Variants in POU3F3 observed in about 807,000 individuals in gnomAD.
The protein encoded by POU3F3 is POU class 3 homeobox 3, also known as POU domain, class 3, transcription factor 3.
A neutral mutation model predicts 8.6 loss-of-function variants in POU3F3; 1 was observed. That is an observed-to-expected ratio of 0.12 (90% CI 0.04 to 0.55). The LOEUF (loss-of-function observed/expected upper bound fraction) is 0.55. POU3F3 is among the 20% of genes least tolerant of loss of function. POU3F3 has a pLI of 0.91. For missense variants in POU3F3, 577 were observed against 690.7 expected, an observed-to-expected ratio of 0.84 and a Z score of 1.84; for synonymous variants, 418 against 327.4, an observed-to-expected ratio of 1.28 and a Z score of -2.99.
chr2:104,918,640 C>G, the POU3F3 span, among the ~76,000 whole-genome samples: 1 of 152,112 alleles, frequency 6.6e-6, no homozygotes, highest in Non-Finnish European at 1.5e-5. Flanking sequence ...CCACCAGAAG[C>G]CAGGAGAGAG....
the POU3F3 span, among the ~76,000 whole-genome samples, chr2:104,886,150 C>T: frequency 1.3e-5 from 2 of 152,130 alleles, no homozygotes; most frequent in East Asian, 1.9e-4. Flanking sequence ...AGGACTCACC[C>T]TGAATTCTTT....
chr2:104,927,443 T>C, the POU3F3 span, among the ~76,000 whole-genome samples: 3 of 152,022 alleles, frequency 2.0e-5, no homozygotes, highest in Non-Finnish European at 4.4e-5. Context: ...CTCTGATAAA[T>C]ACTAACATGT....
chr2:104,915,836 A>G, the POU3F3 span, among the ~76,000 whole-genome samples: 1 of 151,642 alleles, frequency 6.6e-6, no homozygotes, highest in Admixed American at 6.6e-5. Flanking sequence ...AAAATCTTTC[A>G]CCTTATAACT....
the POU3F3 span, among the ~76,000 whole-genome samples, chr2:104,916,750 GATCTGGGGCC>G: frequency 6.6e-6 from 1 of 152,168 alleles, no homozygotes; most frequent in Non-Finnish European, 1.5e-5. Context: ...TAGCAAGGAT[GATCTGGGGCC>G]ATCTTAGAGG....
chr2:104,913,362 C>T, the POU3F3 span, among the ~76,000 whole-genome samples: 1 of 152,060 alleles, frequency 6.6e-6, no homozygotes, highest in Non-Finnish European at 1.5e-5. Context: ...CTCTGGACCC[C>T]GTTGGGACCA....
chr2:104,922,066 G>A, the POU3F3 span, among the ~76,000 whole-genome samples: 1 of 152,142 alleles, frequency 6.6e-6, no homozygotes, highest in Non-Finnish European at 1.5e-5. Context: ...ATAGATGCAG[G>A]CCTTTAAAAA....
At chr2:104,878,057 C>T in the POU3F3 span, among the ~76,000 whole-genome samples, 7 of 152,178 alleles carry the variant, frequency 4.6e-5, no homozygotes, top group African/African-American at 1.4e-4. Flanking sequence ...CTCCTGGATG[C>T]TGGCAGTTAA....
the POU3F3 span, among the ~76,000 whole-genome samples, chr2:104,889,816 TAA>T: frequency 7.2e-5 from 11 of 152,344 alleles, no homozygotes; most frequent in Admixed American, 2.6e-4. Context: ...ATAAACATTA[TAA>T]AGTCTGGCAT....
At position 104,855,929 on chromosome 2, in the gene POU3F3, C is replaced by G. The variant is rs1355825459; in HGVS notation, c.419C>G (p.Pro140Arg). 2 of 1,060,256 alleles carry G rather than the reference C, an allele frequency of 1.9e-6. No individual in the cohort carries two copies. The highest frequency in any genetic ancestry group is 2.8e-5 in the South Asian group (1 of 35,692). 65.7% of individuals were successfully genotyped at this position (1,060,256 alleles called of 1,614,324 possible). A position where few individuals can be genotyped will look rare whatever the true frequency, so the allele number is the denominator to read the frequency against. Residue 140 changes from proline (P) to arginine (R), a missense_variant, in exon 1 of 1, where the codon CCG becomes CGG. Physicochemically the swap from Pro to Arg is moderately radical, Grantham distance 103 (BLOSUM62 -2). This residue lies in a region of POU3F3 where 484 missense variants were observed against 422.6 expected (regional missense o/e 1.15). Transcript: ENST00000361360. ...AGCCCCCAGCAGCCACCGCAGCCGCCGCCGCCACCGCCGCAGGGCCCCGAC... is the reference window on the plus strand; with the variant it reads ...AGCCCCCAGCAGCCACCGCAGCCGCGGCCGCCACCGCCGCAGGGCCCCGAC... ...AGSPQQPPQPPPPPPQGPDVK... is the reference protein window; with the variant it reads ...AGSPQQPPQPRPPPPQGPDVK...
chr2:104,920,053 T>C, the POU3F3 span, among the ~76,000 whole-genome samples: 6 of 152,226 alleles, frequency 3.9e-5, no homozygotes, highest in African/African-American at 1.4e-4. Context: ...CTTGCTCTGT[T>C]GCTCAGGCTG....
chr2:104,891,382 A>T, the POU3F3 span, among the ~76,000 whole-genome samples: 7 of 152,068 alleles, frequency 4.6e-5, no homozygotes, highest in African/African-American at 1.7e-4. Flanking sequence ...TTTAATATTG[A>T]TAGAATATAT....
the POU3F3 span, among the ~76,000 whole-genome samples, chr2:104,910,953 G>C: frequency 7.9e-5 from 12 of 152,130 alleles, no homozygotes; most frequent in Admixed American, 2.0e-4. Flanking sequence ...ATTGTATTAG[G>C]TATTACAAGT....
the POU3F3 span, among the ~76,000 whole-genome samples, chr2:104,889,847 G>A: frequency 6.6e-6 from 1 of 152,122 alleles, no homozygotes; most frequent in Non-Finnish European, 1.5e-5. Context: ...AGTTCAACAT[G>A]CCTAATTAAC....
At chr2:104,915,180 G>A in the POU3F3 span, among the ~76,000 whole-genome samples, 2 of 152,344 alleles carry the variant, frequency 1.3e-5, no homozygotes, top group South Asian at 2.1e-4. Flanking sequence ...GGGCAAATCA[G>A]ATTAATTAAA....
chr2:104,872,604 C>T, the POU3F3 span: 1 of 271,898 alleles, frequency 3.7e-6, no homozygotes, highest in Non-Finnish European at 7.1e-6. The surrounding 1 kb of genome is among the most constrained non-coding windows in gnomAD (Gnocchi z 4.6). Context: ...GCTCTGCGCC[C>T]GGGTCTCGGC....
the POU3F3 span, among the ~76,000 whole-genome samples, chr2:104,894,919 CT>C: frequency 1.3e-5 from 2 of 151,964 alleles, no homozygotes; most frequent in Non-Finnish European, 1.5e-5. Flanking sequence ...CTGGTGTTCT[CT>C]TTTTTTTCTG....
the POU3F3 span, among the ~76,000 whole-genome samples, chr2:104,881,246 C>A: frequency 6.6e-6 from 1 of 151,852 alleles, no homozygotes; most frequent in East Asian, 1.9e-4. Context: ...CAGCTTTGAA[C>A]TCCTGTGCTC....
the POU3F3 span, among the ~76,000 whole-genome samples, chr2:104,875,826 C>T: frequency 6.6e-6 from 1 of 152,282 alleles, no homozygotes; most frequent in East Asian, 1.9e-4. Context: ...AAGCAATTCT[C>T]CTGCCTCAGC....
In POU3F3 at chr2:104,855,955, G is replaced by T; in HGVS notation, c.445G>T (p.Val149Leu). 9.5e-7 allele frequency: 1 copy of T among 1,054,686 alleles called. No individual in the cohort carries two copies. Among genetic ancestry groups the T allele is most frequent in the Non-Finnish European group, 1.1e-6 (1 of 873,810 alleles). 65.3% of individuals were successfully genotyped at this position (1,054,686 alleles called of 1,614,324 possible). The change falls in exon 1 of 1, where the codon GTG becomes TTG. Residue 149 changes from valine (V) to leucine (L), a missense_variant. Physicochemically the swap from Val to Leu is conservative, Grantham distance 32. Coordinates refer to ENST00000361360, the MANE Select transcript of POU3F3 (RefSeq NM_006236.3). ...PPPPPPQGPDVKGGAGRDDLH... is the reference protein window; with the variant it reads ...PPPPPPQGPDLKGGAGRDDLH... ...GCCGCCACCGCCGCAGGGCCCCGAC[G>T]TGAAGGGCGGCGCCGGGCGCGACGA...
Sources: allele counts gnomAD v4.1 joint callset (sites outside exome capture counted in the v4.1 genomes callset), GRCh38; gene constraint gnomAD v4.1.1; regional missense constraint gnomAD v4.1.1; non-coding constraint Gnocchi (gnomAD v3.1); transcripts MANE v1.5; gene names NCBI Gene and HGNC (gene_info 2026-07-23, HGNC 2026-07-21).